The following CALD1 variants were observed in gnomAD, a reference collection of about 807,000 sequenced individuals.
CALD1 encodes the protein caldesmon 1.
Under a neutral mutation model 99.9 loss-of-function variants are expected in CALD1, and 33 were observed. The observed-to-expected ratio is 0.33, with a 90% confidence interval of 0.25 to 0.44. The LOEUF is 0.44. Among genes scored for constraint, CALD1 ranks in the 20% least tolerant of loss-of-function variants. The pLI, the probability that CALD1 is intolerant of heterozygous loss-of-function variation, is 1.00. For missense variants in CALD1, 861 were observed against 962.1 expected, an observed-to-expected ratio of 0.89 and a Z score of 1.39; for synonymous variants, 310 against 325.0, an observed-to-expected ratio of 0.95 and a Z score of 0.50.
intron 13 of CALD1, chr7:134,961,859 T>C (rs1050654348): frequency 6.6e-6 from 1 of 152,192 alleles, no homozygotes; most frequent in African/African-American, 2.4e-5. Flanking sequence ...TCTGGTAACA[T>C]AAGGAGTAGA....
intron 3 of CALD1, among the ~76,000 whole-genome samples, chr7:134,879,079 G>A (rs1224709693): frequency 6.6e-6 from 1 of 152,214 alleles, no homozygotes; most frequent in African/African-American, 2.4e-5. Context: ...ATCTGCATTT[G>A]CAGCTGTCAT....
In CALD1 at chr7:134,970,048, A is replaced by T. The variant is rs749854194; in HGVS notation, c.*1703A>T. On this transcript the variant is annotated 3_prime_UTR_variant, in exon 15 of 15. Transcript: ENST00000361675. ...CTGCGTTACAAAGTCTATCTTCCTC[A>T]TAAGTCTGTAAAGAGCAATTGAATC... 6.6e-6 allele frequency: 1 copy of T among 152,306 alleles called. No homozygotes were observed. Among genetic ancestry groups the T allele is most frequent in the African/African-American group, 2.4e-5 (1 of 41,470 alleles). 9.4% of individuals were successfully genotyped at this position (152,306 alleles called of 1,614,324 possible).
In CALD1 at chr7:134,956,605, C is replaced by T. The variant is rs142492939; in HGVS notation, c.1936-1464C>T. On this transcript the variant is annotated intron_variant, in intron 9 of 14. Coordinates refer to ENST00000361675, the MANE Select transcript of CALD1 (RefSeq NM_033138.4). ...ACCTAATCTTAGACTTCCCAGTCTC[C>T]GGAACTGTGAGAAATGTTTGTTGTT... is the stretch of plus-strand genomic sequence containing the variant. Among the ~76,000 whole-genome samples, 133 of 152,270 alleles carry T rather than the reference C, an allele frequency of 8.7e-4. 1 individual carries two copies. Among genetic ancestry groups the T allele is most frequent in the Admixed American group, 2.7e-3 (42 of 15,296 alleles).
intron 2 of CALD1, among the ~76,000 whole-genome samples, chr7:134,853,964 T>C (rs1359746134): frequency 6.8e-6 from 1 of 147,596 alleles, no homozygotes; most frequent in Non-Finnish European, 1.5e-5. Context: ...CATGCGGTGT[T>C]TGGTTTTCTG....
intron 2 of CALD1, among the ~76,000 whole-genome samples, chr7:134,862,726 A>C (rs1275950548): frequency 6.6e-6 from 1 of 152,232 alleles, no homozygotes; most frequent in Non-Finnish European, 1.5e-5. Context: ...TATGAACTTT[A>C]GTTAATCATA....
chr7:134,777,753 A>G (rs1027227032), upstream of CALD1, among the ~76,000 whole-genome samples: 3 of 152,160 alleles, frequency 2.0e-5, no homozygotes, highest in Admixed American at 6.5e-5. Flanking sequence ...GACATCACCA[A>G]TTGCAGCTGT....
At chr7:134,727,501 G>A in the CALD1 span, among the ~76,000 whole-genome samples, 17 of 152,346 alleles carry the variant, frequency 1.1e-4, no homozygotes, top group South Asian at 3.3e-3. Flanking sequence ...GCCAGGCATG[G>A]CGGGAACAGT....
At chr7:134,851,743 T>C (rs1800091565) in intron 2 of CALD1, among the ~76,000 whole-genome samples, 1 of 152,162 alleles carries the variant, frequency 6.6e-6, no homozygotes, top group South Asian at 2.1e-4. Flanking sequence ...TTGGAGGGTC[T>C]CCTATTGGCA....
At chr7:134,956,323 G>A (rs923929921) in intron 9 of CALD1, among the ~76,000 whole-genome samples, 1 of 152,060 alleles carries the variant, frequency 6.6e-6, no homozygotes, top group Non-Finnish European at 1.5e-5. Context: ...TCACATCTTG[G>A]AGAATTGTGT....
intron 8 of CALD1, chr7:134,948,094 C>A (rs1158786947): frequency 2.4e-5 from 5 of 208,540 alleles, no homozygotes; most frequent in African/African-American, 4.6e-5. Flanking sequence ...TCATTAAAAC[C>A]CTTTACTGCC....
intron 2 of CALD1, among the ~76,000 whole-genome samples, chr7:134,846,738 T>C (rs1238395988): frequency 6.6e-6 from 1 of 152,202 alleles, no homozygotes; most frequent in Non-Finnish European, 1.5e-5. Flanking sequence ...CATTTCTTTA[T>C]TCCCCCTCCT....
chr7:134,861,030 A>C (rs1800539405), intron 2 of CALD1, among the ~76,000 whole-genome samples: 1 of 152,224 alleles, frequency 6.6e-6, no homozygotes, highest in Non-Finnish European at 1.5e-5. Flanking sequence ...TAGATCAAAA[A>C]ATTAAATGAG....
chr7:134,941,580 T>TTC (rs1806444295), intron 7 of CALD1, among the ~76,000 whole-genome samples: 1 of 151,874 alleles, frequency 6.6e-6, no homozygotes, highest in African/African-American at 2.4e-5. Context: ...CATTCAATGA[T>TTC]TCTCTATATG....
the CALD1 span, among the ~76,000 whole-genome samples, chr7:134,716,110 T>C: frequency 1.3e-5 from 2 of 152,198 alleles, no homozygotes; most frequent in Non-Finnish European, 2.9e-5. Context: ...AGGTTATTGG[T>C]ATCTTACAGT....
intron 3 of CALD1, among the ~76,000 whole-genome samples, chr7:134,906,107 G>A (rs1406668756): frequency 2.0e-5 from 3 of 150,978 alleles, no homozygotes; most frequent in African/African-American, 4.9e-5. Context: ...TTTTTGTATT[G>A]TTAGTAGAGA....
intron 7 of CALD1, chr7:134,944,560 A>G (rs1032724243): frequency 1.3e-5 from 2 of 151,954 alleles, no homozygotes; most frequent in Admixed American, 1.3e-4. Context: ...TCAATATTGC[A>G]CAGTGTATTT....
At chr7:134,879,678 G>A (rs1242628186) in intron 3 of CALD1, among the ~76,000 whole-genome samples, 1 of 152,136 alleles carries the variant, frequency 6.6e-6, no homozygotes, top group East Asian at 1.9e-4. Context: ...AGCTTCTAAT[G>A]TTTTGCCAGC....
intron 3 of CALD1, chr7:134,920,790 G>A: frequency 1.3e-6 from 1 of 775,806 alleles, no homozygotes; most frequent in Non-Finnish European, 1.9e-6. Context: ...GAGTTTATTT[G>A]ATCTGTTGGA....
At chr7:134,944,228 C>T (rs1806679114) in intron 7 of CALD1, among the ~76,000 whole-genome samples, 1 of 152,160 alleles carries the variant, frequency 6.6e-6, no homozygotes. Context: ...TTACCTGTAA[C>T]TGGCATGAGC....
Sources: gnomAD v4.1 joint callset for allele counts (sites outside exome capture counted in the v4.1 genomes callset) on GRCh38, gnomAD v4.1.1 for gene constraint, MANE v1.5 for transcripts, NCBI Gene and HGNC (gene_info 2026-07-23, HGNC 2026-07-21) for gene names.